Variants in NXN observed in about 807,000 individuals in gnomAD.
The protein encoded by NXN is nucleoredoxin 1.
Under a neutral mutation model 48.6 loss-of-function variants are expected in NXN, and 16 were observed. The observed-to-expected ratio is 0.33, with a 90% CI of 0.22 to 0.50. The LOEUF (loss-of-function observed/expected upper bound fraction) is 0.50. NXN is among the 20% of genes least tolerant of loss of function. NXN has a pLI of 0.98. For synonymous variants in NXN, 281 were observed against 269.6 expected, an observed-to-expected ratio of 1.04 and a Z score of -0.41; for missense variants, 492 against 605.5, an observed-to-expected ratio of 0.81 and a Z score of 1.97.
chr17:927,536 C>T (rs1301664832), intron 1 of NXN, among the ~76,000 whole-genome samples: 4 of 146,002 alleles, frequency 2.7e-5, no homozygotes, highest in Non-Finnish European at 4.5e-5. Context: ...GCCAAGATTA[C>T]GCCATTGCAC....
At chr17:926,647 A>G (rs1427395855) in intron 1 of NXN, among the ~76,000 whole-genome samples, 2 of 150,936 alleles carry the variant, frequency 1.3e-5, no homozygotes, top group Admixed American at 6.6e-5. Flanking sequence ...CCGGGCTAAA[A>G]CCATCCTCCC....
intron 1 of NXN, among the ~76,000 whole-genome samples, chr17:826,579 G>A (rs1280922914): frequency 6.6e-6 from 1 of 152,236 alleles, no homozygotes; most frequent in Non-Finnish European, 1.5e-5. Context: ...CTGGCAGCAG[G>A]CAACAGCAGC....
rs76489658 is a variant in NXN, at chr17:979,439, G to A, written c.240C>T (p.Pro80=). ...PGAGAGAAAE[P]EPRRRLEIVF... is the part of the protein sequence containing the mutation. Reference sequence around the variant, plus strand: ...CGATCTCCAGGCGCCGCCGCGGCTCGGGCTCCGCCGCCGCCCCGGCCCCCG... The same window carrying A: ...CGATCTCCAGGCGCCGCCGCGGCTCAGGCTCCGCCGCCGCCCCGGCCCCCG... Residue 80 remains proline (P), a synonymous_variant, in exon 1 of 8, where the codon CCC becomes CCT. Transcript: ENST00000336868. 7.0e-3 allele frequency: 9,032 copies of A among 1,282,540 alleles called. 532 individuals carry two copies. In the African/African-American group the frequency reaches 0.13, roughly 18 times the overall value. The allele number at this position is 1,282,540 out of a possible 1,614,324, so 79.4% of individuals were successfully genotyped here.
chr17:868,621 A>G (rs1209923280), intron 1 of NXN, among the ~76,000 whole-genome samples: 2 of 152,098 alleles, frequency 1.3e-5, no homozygotes, highest in African/African-American at 4.8e-5. Flanking sequence ...CCTCCCGAGT[A>G]GCTGGGACAA....
At chr17:943,760 G>A (rs1210760457) in intron 1 of NXN, among the ~76,000 whole-genome samples, 1 of 151,972 alleles carries the variant, frequency 6.6e-6, no homozygotes. Flanking sequence ...AGGAGGCGGA[G>A]GTTGCAGGGA....
chr17:938,542 G>A (rs999776276), intron 1 of NXN, among the ~76,000 whole-genome samples: 4 of 151,880 alleles, frequency 2.6e-5, no homozygotes, highest in Non-Finnish European at 5.9e-5. Context: ...ACTTAGCCGG[G>A]CTTAGTGACG....
rs553610964 is a variant in NXN, at chr17:926,987, G to A, written c.360+52332C>T. 3.2e-4 allele frequency among the ~76,000 whole-genome samples: 48 copies of A among 152,222 alleles called. No homozygotes were observed. In the South Asian group the frequency reaches 9.7e-3, roughly 31 times the overall value. On this transcript the variant is annotated intron_variant, in intron 1 of 7. Coordinates refer to ENST00000336868, the MANE Select transcript of NXN (RefSeq NM_022463.5). ...GAGGTGAGTCAGTGATCCAATGGGA[G>A]GCTGGAAGGAGTATAGAAAAGGGAG...
rs868145016 is a variant in NXN, at chr17:803,602, C to A, written c.1125+80G>T. ...GCCCTGACCCTGGGGTCCTTTCAGG[C>A]AACCCTGGGGCCAGGATCAGTCCTG... On this transcript the variant is annotated intron_variant, in intron 7 of 7. Transcript: ENST00000336868. 17 of 1,580,770 alleles carry A rather than the reference C, an allele frequency of 1.1e-5. No homozygotes were observed. In the South Asian group the frequency reaches 1.8e-4, roughly 17 times the overall value.
intron 1 of NXN, among the ~76,000 whole-genome samples, chr17:855,778 ATG>A (rs1228873965): frequency 6.6e-6 from 1 of 152,184 alleles, no homozygotes; most frequent in Admixed American, 6.6e-5. Context: ...GGCAGGAGGA[ATG>A]TGTGTGTTAC....
At position 813,974 on chromosome 17, in the gene NXN, AAAAG is replaced by A. The variant is rs1467982075; in HGVS notation, c.820+5461_820+5464del. ...CAGAGCAAGACTCTGTCTAAAAAAA[AAAAG>A]AGCCGGGCACGGTGACTCATGCCTG... On this transcript the variant is annotated intron_variant, in intron 5 of 7. Transcript: ENST00000336868. 1.5e-4 allele frequency among the ~76,000 whole-genome samples: 21 copies of A among 143,194 alleles called. No homozygotes were observed. The East Asian group carries it at 4.5e-3, about 31-fold the overall frequency. 93.9% of individuals were successfully genotyped at this position (143,194 alleles called of 152,430 possible).
At chr17:845,198 TCTAGAGAGAATTCCACCC>T (rs1196104087) in intron 1 of NXN, among the ~76,000 whole-genome samples, 2 of 64,660 alleles carry the variant, frequency 3.1e-5, no homozygotes, top group South Asian at 3.8e-4. Context: ...ATTCCACCCT[TCTAGAGAGAATTCCACCC>T]TTCTAGAGAG....
intron 1 of NXN, among the ~76,000 whole-genome samples, chr17:843,065 A>G (rs1344385906): frequency 7.4e-6 from 1 of 135,916 alleles, no homozygotes; most frequent in Non-Finnish European, 1.6e-5. Context: ...AGAAGGAAGA[A>G]AGCAAGCAAG....
At chr17:844,732 C>G (rs1468869494) in intron 1 of NXN, among the ~76,000 whole-genome samples, 1 of 152,012 alleles carries the variant, frequency 6.6e-6, no homozygotes, top group Non-Finnish European at 1.5e-5. Flanking sequence ...TTACAGGCAC[C>G]TGCCACCATA....
At chr17:805,025 C>T (rs1280987521) in intron 6 of NXN, 43 bp downstream of exon 6, 6 of 1,518,718 alleles carry the variant, frequency 4.0e-6, no homozygotes, top group African/African-American at 1.4e-5. Flanking sequence ...TCCTGTCCCG[C>T]CCCCCAGCCA....
intron 1 of NXN, among the ~76,000 whole-genome samples, chr17:939,977 A>G (rs776987439): frequency 2.7e-5 from 4 of 150,678 alleles, no homozygotes; most frequent in Middle Eastern, 3.2e-3. Context: ...GCTGTCATCC[A>G]GGCTGGAGTG....
intron 1 of NXN, among the ~76,000 whole-genome samples, chr17:865,822 A>G (rs2068090159): frequency 6.6e-6 from 1 of 151,928 alleles, no homozygotes; most frequent in Admixed American, 6.6e-5. Flanking sequence ...CATCTCTACT[A>G]AAAATACAAA....
rs141200408 is a variant in NXN at position 867,826 on chromosome 17, T to A, written c.361-41748A>T. Among the ~76,000 whole-genome samples, 684 of 151,068 alleles carry A rather than the reference T, an allele frequency of 4.5e-3. 5 individuals are homozygous for A. Among genetic ancestry groups the A allele is most frequent in the African/African-American group, 0.016 (660 of 41,038 alleles). ...CTGTAATCGCAGCTACTCGGGAGGC[T>A]GAGGCATGAGAATCGCTTGAACCCA... On this transcript the variant is annotated intron_variant, in intron 1 of 7. Transcript: ENST00000336868.
At chr17:845,804 C>A (rs889843851) in intron 1 of NXN, among the ~76,000 whole-genome samples, 4 of 152,168 alleles carry the variant, frequency 2.6e-5, no homozygotes, top group African/African-American at 9.7e-5. Flanking sequence ...TGGCGGCTCA[C>A]GCCTGTAATC....
intron 1 of NXN, among the ~76,000 whole-genome samples, chr17:957,500 T>C (rs538942414): frequency 3.2e-4 from 49 of 151,654 alleles, no homozygotes; most frequent in Admixed American, 1.4e-3. Flanking sequence ...AGCGTGGTGG[T>C]GCACGCCTGT....
Sources: allele counts gnomAD v4.1 joint callset (sites outside exome capture counted in the v4.1 genomes callset), GRCh38; gene constraint gnomAD v4.1.1; transcripts MANE v1.5; gene names NCBI Gene and HGNC (gene_info 2026-07-23, HGNC 2026-07-21).